PRKN: variants seen among roughly 807,000 people sequenced by gnomAD.
The protein encoded by PRKN is parkin RBR E3 ubiquitin protein ligase, also known as E3 ubiquitin-protein ligase parkin.
PRKN carries 56 observed loss-of-function variants against 59.5 expected under a neutral mutation model. The ratio of observed to expected loss-of-function variants is 0.94; its 90% CI spans 0.76 to 1.18. PRKN has a LOEUF of 1.18. PRKN is among the 50% of genes most tolerant of loss of function. PRKN has a pLI of 0.00. For missense variants in PRKN, 657 were observed against 596.4 expected, an observed-to-expected ratio of 1.10 and a Z score of -1.06; for synonymous variants, 250 against 222.1, an observed-to-expected ratio of 1.13 and a Z score of -1.12.
At chr6:162,321,894 A>G (rs993650298) in intron 2 of PRKN, among the ~76,000 whole-genome samples, 2 of 152,040 alleles carry the variant, frequency 1.3e-5, no homozygotes, top group Non-Finnish European at 2.9e-5. Flanking sequence ...TACAGTTAAC[A>G]TTACATTTAA....
intron 9 of PRKN, among the ~76,000 whole-genome samples, chr6:161,422,777 T>G (rs1157317570): frequency 6.6e-6 from 1 of 152,014 alleles, no homozygotes. Flanking sequence ...AAGGAAAAAA[T>G]GCCCCAGAGG....
chr6:161,929,970 G>A (rs541547709), intron 6 of PRKN, among the ~76,000 whole-genome samples: 1 of 152,296 alleles, frequency 6.6e-6, no homozygotes, highest in South Asian at 2.1e-4. Flanking sequence ...GCCTTGCACA[G>A]ACTGCATTTT....
At chr6:162,296,788 C>G (rs185517123) in intron 2 of PRKN, among the ~76,000 whole-genome samples, 1 of 152,184 alleles carries the variant, frequency 6.6e-6, no homozygotes, top group East Asian at 1.9e-4. Flanking sequence ...TTGAATTTCA[C>G]TTAGAAAAGT....
chr6:162,593,255 C>T (rs1781377400), intron 1 of PRKN, among the ~76,000 whole-genome samples: 1 of 152,162 alleles, frequency 6.6e-6, no homozygotes, highest in African/African-American at 2.4e-5. Flanking sequence ...TCTAGAACAA[C>T]TGGTTGCATA....
intron 5 of PRKN, among the ~76,000 whole-genome samples, chr6:162,021,438 AATATATATAT>A: frequency 8.3e-6 from 1 of 120,786 alleles, no homozygotes; most frequent in Non-Finnish European, 1.7e-5. Flanking sequence ...CATTACAGGG[AATATATATAT>A]ATATATATAT....
intron 3 of PRKN, among the ~76,000 whole-genome samples, chr6:162,224,258 T>A (rs1350627508): frequency 6.6e-6 from 1 of 152,166 alleles, no homozygotes; most frequent in Non-Finnish European, 1.5e-5. Flanking sequence ...TTTATAACAT[T>A]ACAATACGGT....
At chr6:161,973,817 G>A (rs1429131253) in intron 5 of PRKN, among the ~76,000 whole-genome samples, 1 of 152,196 alleles carries the variant, frequency 6.6e-6, no homozygotes, top group Non-Finnish European at 1.5e-5. Context: ...CAAACAGTAA[G>A]AGGTGAAGCC....
chr6:162,683,935 C>T (rs1009959760), intron 1 of PRKN, among the ~76,000 whole-genome samples: 5 of 152,006 alleles, frequency 3.3e-5, no homozygotes, highest in South Asian at 4.1e-4. Flanking sequence ...AGTGAAAAAA[C>T]GTACACCTTT....
rs1790476147 is a variant in PRKN, at chr6:161,466,363, C to T, written c.1084-79486G>A. ...TTAGGTTTTTTTTGATCTCAGCTCT[C>T]TGATGGGTTAAAAAATCTCTGAAAC... On this transcript the variant is annotated intron_variant, in intron 9 of 11. Transcript: ENST00000366898. This position sits in a 1 kb window ranked among gnomAD's most constrained non-coding sequence, Gnocchi z 5.0. 1.3e-5 allele frequency among the ~76,000 whole-genome samples: 2 copies of T among 152,200 alleles called. No individual in the cohort carries two copies. The highest frequency in any genetic ancestry group is 2.9e-5 in the Non-Finnish European group (2 of 68,048).
chr6:161,581,158 C>T lies in PRKN; in HGVS notation c.872-11742G>A, dbSNP rs1028800230. On this transcript the variant is annotated intron_variant, in intron 7 of 11. Transcript: ENST00000366898. The surrounding 1 kb of genome is among the most constrained non-coding windows in gnomAD (Gnocchi z 4.5). Reference sequence around the variant, plus strand: ...CCTGGGAGGCAGAGGTTGCAGTGAGCCGAGATTGTGCCACTGCACCAGCCT... The same window carrying T: ...CCTGGGAGGCAGAGGTTGCAGTGAGTCGAGATTGTGCCACTGCACCAGCCT... Among the ~76,000 whole-genome samples, 17 of 151,612 alleles carry T rather than the reference C, an allele frequency of 1.1e-4. No individual in the cohort carries two copies. The highest frequency in any genetic ancestry group is 3.4e-3 in the Middle Eastern group (1 of 292).
At chr6:161,883,485 A>AAAGGG (rs1231720592) in intron 6 of PRKN, among the ~76,000 whole-genome samples, 12 of 147,934 alleles carry the variant, frequency 8.1e-5, no homozygotes, top group African/African-American at 2.2e-4. Flanking sequence ...AGACTCTGAC[A>AAAGGG]AAGGGAAGGG....
chr6:161,894,063 G>A (rs557598933), intron 6 of PRKN, among the ~76,000 whole-genome samples: 14 of 152,284 alleles, frequency 9.2e-5, no homozygotes, highest in Middle Eastern at 6.8e-3. Flanking sequence ...AGTTCTGTTT[G>A]CATTAAATGG....
chr6:162,532,799 A>C (rs1778567014), intron 1 of PRKN, among the ~76,000 whole-genome samples: 1 of 152,222 alleles, frequency 6.6e-6, no homozygotes, highest in Non-Finnish European at 1.5e-5. Flanking sequence ...CAAAGGAAAT[A>C]GCTACACCTC....
intron 6 of PRKN, among the ~76,000 whole-genome samples, chr6:161,807,043 T>C (rs1791358690): frequency 6.6e-6 from 1 of 152,224 alleles, no homozygotes. Flanking sequence ...GCTGTAAGTG[T>C]TAAACTTTAA....
chr6:162,099,742 C>T (rs1018734426), intron 4 of PRKN, among the ~76,000 whole-genome samples: 1 of 152,094 alleles, frequency 6.6e-6, no homozygotes, highest in Admixed American at 6.5e-5. Context: ...ACAATATGTG[C>T]ATTACCTCAT....
At chr6:162,160,146 T>C (rs1782692771) in intron 4 of PRKN, among the ~76,000 whole-genome samples, 2 of 152,182 alleles carry the variant, frequency 1.3e-5, no homozygotes, top group African/African-American at 2.4e-5. Context: ...TTGAAAATTA[T>C]AAATCTGATG....
rs887465788 is a variant in PRKN, at chr6:161,446,647, C to G, written c.1084-59770G>C. ...GAAACTAAATGCAGCCTCTTTTCTA[C>G]CCATGATTTATTAGACCTCCCCTTT... On this transcript the variant is annotated intron_variant, in intron 9 of 11. Coordinates refer to ENST00000366898, the MANE Select transcript of PRKN (RefSeq NM_004562.3). This position sits in a 1 kb window ranked among gnomAD's most constrained non-coding sequence, Gnocchi z 6.2. Among the ~76,000 whole-genome samples, 2 of 152,148 alleles carry G rather than the reference C, an allele frequency of 1.3e-5. No homozygotes were observed. Among genetic ancestry groups the G allele is most frequent in the African/African-American group, 4.8e-5 (2 of 41,442 alleles).
At chr6:162,474,270 C>G (rs1271660584) in intron 1 of PRKN, among the ~76,000 whole-genome samples, 2 of 152,188 alleles carry the variant, frequency 1.3e-5, no homozygotes, top group African/African-American at 4.8e-5. Flanking sequence ...AATAATACAA[C>G]TGGGACATTG....
intron 5 of PRKN, among the ~76,000 whole-genome samples, chr6:161,994,071 C>T (rs1353585410): frequency 1.3e-5 from 2 of 151,990 alleles, no homozygotes; most frequent in East Asian, 3.9e-4. Flanking sequence ...GTCAAATATC[C>T]AAACTATAGC....
Sources: gnomAD v4.1 joint callset for allele counts (sites outside exome capture counted in the v4.1 genomes callset) on GRCh38, gnomAD v4.1.1 for gene constraint, Gnocchi (gnomAD v3.1) non-coding constraint, MANE v1.5 for transcripts, NCBI Gene and HGNC (gene_info 2026-07-23, HGNC 2026-07-21) for gene names.